Variants in CADPS2 observed in about 807,000 individuals in gnomAD.
The protein encoded by CADPS2 is calcium-dependent secretion activator 2.
In CADPS2, 93 loss-of-function variants were observed where a neutral mutation model predicts 172.5. That is an observed-to-expected ratio of 0.54 (90% CI 0.46 to 0.64). The LOEUF is 0.64. Ranked by LOEUF, CADPS2 falls within the 30% of genes least tolerant of loss-of-function variation. The pLI, the probability that CADPS2 is intolerant of heterozygous loss-of-function variation, is 0.00. For missense variants in CADPS2, 1,420 were observed against 1,565.9 expected, an observed-to-expected ratio of 0.91 and a Z score of 1.57; for synonymous variants, 546 against 555.2, an observed-to-expected ratio of 0.98 and a Z score of 0.23.
At chr7:122,461,525 G>A (rs973945470) in intron 14 of CADPS2, among the ~76,000 whole-genome samples, 1 of 152,036 alleles carries the variant, frequency 6.6e-6, no homozygotes, top group African/African-American at 2.4e-5. Context: ...TTTAAAAAAA[G>A]CATCCAGAGG....
intron 17 of CADPS2, among the ~76,000 whole-genome samples, chr7:122,422,953 C>T (rs371775244): frequency 9.2e-5 from 14 of 152,038 alleles, no homozygotes; most frequent in South Asian, 4.2e-4. Flanking sequence ...AGTGAGACTC[C>T]GTCTCAAAAT....
At chr7:122,332,512 T>C (rs6950106) in intron 28 of CADPS2, among the ~76,000 whole-genome samples, 22,920 of 151,880 alleles carry the variant, frequency 0.15, 1,759 homozygotes, top group African/African-American at 0.16. Context: ...AGGCAGTTTG[T>C]AAATTAAGAG....
chr7:122,626,557 A>T (rs985608128), intron 4 of CADPS2, among the ~76,000 whole-genome samples: 5 of 152,110 alleles, frequency 3.3e-5, no homozygotes, highest in African/African-American at 1.2e-4. Context: ...TACACTCCTC[A>T]TCCCACTTTT....
chr7:122,764,893 T>C (rs1290562635), intron 1 of CADPS2, among the ~76,000 whole-genome samples: 2 of 152,054 alleles, frequency 1.3e-5, no homozygotes, highest in East Asian at 1.9e-4. Context: ...ATCTACAAAA[T>C]CTGAAGCCTA....
At chr7:122,838,371 A>AG (rs1461053211) in intron 1 of CADPS2, among the ~76,000 whole-genome samples, 8 of 152,260 alleles carry the variant, frequency 5.3e-5, no homozygotes, top group Admixed American at 6.5e-5. Context: ...AACTGGCACA[A>AG]ACAGGGATGC....
At chr7:122,470,016 G>A (rs1268117955) in intron 14 of CADPS2, among the ~76,000 whole-genome samples, 4 of 152,090 alleles carry the variant, frequency 2.6e-5, no homozygotes, top group African/African-American at 7.2e-5. Context: ...GATTTTTTGC[G>A]GTAAAATTTT....
intron 17 of CADPS2, among the ~76,000 whole-genome samples, chr7:122,432,654 AAAAAAAAG>A (rs1282929612): frequency 1.3e-5 from 2 of 150,966 alleles, no homozygotes; most frequent in Non-Finnish European, 1.5e-5. Flanking sequence ...AAAAAAAAAA[AAAAAAAAG>A]AAAAAAAGAA....
intron 1 of CADPS2, among the ~76,000 whole-genome samples, chr7:122,817,362 T>A (rs1801777751): frequency 6.6e-6 from 1 of 152,154 alleles, no homozygotes; most frequent in Non-Finnish European, 1.5e-5. Context: ...CCAACCTCTC[T>A]CATCACTGTC....
At chr7:122,605,663 C>T (rs1415304288) in intron 6 of CADPS2, among the ~76,000 whole-genome samples, 1 of 152,048 alleles carries the variant, frequency 6.6e-6, no homozygotes, top group African/African-American at 2.4e-5. Flanking sequence ...TATTTTTTCT[C>T]TGATCTTAAG....
chr7:122,370,239 C>T (rs1258082331), intron 25 of CADPS2, among the ~76,000 whole-genome samples: 1 of 152,114 alleles, frequency 6.6e-6, no homozygotes, highest in African/African-American at 2.4e-5. Context: ...TAGTGTGTCT[C>T]CTCCAAGGGT....
At chr7:122,640,578 G>A (rs1463591881) in intron 3 of CADPS2, among the ~76,000 whole-genome samples, 1 of 151,140 alleles carries the variant, frequency 6.6e-6, no homozygotes, top group Non-Finnish European at 1.5e-5. Flanking sequence ...TTAGGTCTAG[G>A]GCATTACAAT....
intron 15 of CADPS2, among the ~76,000 whole-genome samples, chr7:122,448,954 A>T (rs937746583): frequency 6.6e-6 from 1 of 152,216 alleles, no homozygotes; most frequent in East Asian, 1.9e-4. Context: ...AAATTATGTT[A>T]TCTTACTACT....
chr7:122,472,384 A>G (rs1482383890), intron 13 of CADPS2, among the ~76,000 whole-genome samples: 1 of 152,128 alleles, frequency 6.6e-6, no homozygotes, highest in African/African-American at 2.4e-5. Context: ...TAAGAGAAGA[A>G]CCATCAGGTG....
At chr7:122,645,541 CTT>C (rs2078409655) in intron 3 of CADPS2, among the ~76,000 whole-genome samples, 2 of 101,874 alleles carry the variant, frequency 2.0e-5, no homozygotes, top group African/African-American at 8.9e-5. Flanking sequence ...TATATATATA[CTT>C]ATATATATAC....
chr7:122,594,254 G>C lies in CADPS2; in HGVS notation c.1224-12964C>G, dbSNP rs1017967535. 2.6e-5 allele frequency among the ~76,000 whole-genome samples: 4 copies of C among 151,914 alleles called. No homozygotes were observed. In the East Asian group the frequency reaches 7.8e-4, roughly 30 times the overall value. ...GATCAAGACCAGCTTGGGCAAAATA[G>C]TGAGACCCAGTCTCAAAAAGGGGAA... is the stretch of plus-strand genomic sequence containing the variant. On this transcript the variant is annotated intron_variant, in intron 6 of 29. Coordinates refer to ENST00000449022, the MANE Select transcript of CADPS2 (RefSeq NM_017954.11).
chr7:122,788,665 G>A (rs1169549263), intron 1 of CADPS2, among the ~76,000 whole-genome samples: 1 of 152,140 alleles, frequency 6.6e-6, no homozygotes, highest in African/African-American at 2.4e-5. Context: ...TGCCTTCGTT[G>A]GACTATAGCT....
intron 2 of CADPS2, chr7:122,702,003 C>T (rs781092795): frequency 8.7e-6 from 14 of 1,613,642 alleles, no homozygotes; most frequent in Non-Finnish European, 1.2e-5. Flanking sequence ...AGGTCTAATT[C>T]CTCATCCCCT....
chr7:122,630,383 A>G (rs1341905249), intron 3 of CADPS2, among the ~76,000 whole-genome samples: 3 of 152,106 alleles, frequency 2.0e-5, no homozygotes, highest in Non-Finnish European at 4.4e-5. Context: ...GAGTCAAAAA[A>G]AAAAAAAGAG....
intron 20 of CADPS2, among the ~76,000 whole-genome samples, chr7:122,404,442 G>A (rs573692085): frequency 4.1e-4 from 62 of 152,136 alleles, no homozygotes; most frequent in African/African-American, 1.2e-3. Context: ...GAATAGTGCC[G>A]CAATAAACAT....
Sources: allele counts gnomAD v4.1 joint callset (sites outside exome capture counted in the v4.1 genomes callset), GRCh38; gene constraint gnomAD v4.1.1; transcripts MANE v1.5; gene names NCBI Gene and HGNC (gene_info 2026-07-23, HGNC 2026-07-21).